Variants in DNM3 observed in about 807,000 individuals in gnomAD.
DNM3 encodes dynamin 3.
Under a neutral mutation model 101.6 loss-of-function variants are expected in DNM3, and 47 were observed. That is an observed-to-expected ratio of 0.46 (90% CI 0.37 to 0.59). The LOEUF is 0.59. Ranked by LOEUF, DNM3 falls within the 20% of genes least tolerant of loss-of-function variation. DNM3 has a pLI of 0.00. For missense variants in DNM3, 849 were observed against 1,085.7 expected (o/e 0.78, Z 3.06); for synonymous variants, 385 against 387.9 (o/e 0.99, Z 0.09).
chr1:172,060,027 T>C (rs1256239206), intron 10 of DNM3, among the ~76,000 whole-genome samples: 4 of 151,986 alleles, frequency 2.6e-5, no homozygotes, highest in African/African-American at 9.7e-5. Flanking sequence ...TGTACAGAAA[T>C]CACAAGCATT....
chr1:172,412,218 T>G lies in DNM3; in HGVS notation c.*4377T>G. The G allele has an allele frequency of 2.0e-6, 2 of 985,502 alleles. No individual in the cohort carries two copies. The highest frequency in any genetic ancestry group is 2.4e-6 in the Non-Finnish European group (2 of 829,786). 61.0% of individuals were successfully genotyped at this position (985,502 alleles called of 1,614,324 possible). On this transcript the variant is annotated 3_prime_UTR_variant, in exon 21 of 21. Transcript: ENST00000627582. ...TGGCTCAACTCAAGTCATTAATCTC[T>G]TTTTAATTTTTACTCTTGAATTCCT... is the stretch of plus-strand genomic sequence containing the variant.
At chr1:172,276,530 T>C (rs1373986255) in intron 15 of DNM3, among the ~76,000 whole-genome samples, 1 of 146,120 alleles carries the variant, frequency 6.8e-6, no homozygotes, top group Non-Finnish European at 1.5e-5. Context: ...CAAATTAGCT[T>C]GTAATAATCA....
chr1:172,311,354 A>T (rs545247071), intron 16 of DNM3: 1 of 149,754 alleles, frequency 6.7e-6, no homozygotes, highest in African/African-American at 2.5e-5. Context: ...CTGCCTTAAC[A>T]TGCAACTATA....
chr1:171,993,376 C>T (rs6668677), intron 4 of DNM3, among the ~76,000 whole-genome samples: 38,033 of 151,696 alleles, frequency 0.25, 6,085 homozygotes, highest in African/African-American at 0.46. Context: ...AAGTTTTTTT[C>T]CTTTCATCAA....
intron 1 of DNM3, among the ~76,000 whole-genome samples, chr1:171,859,863 G>A (rs1483882753): frequency 1.3e-5 from 2 of 152,234 alleles, no homozygotes; most frequent in East Asian, 1.9e-4. Flanking sequence ...CCAGGAAAAA[G>A]CATTCCTTGC....
intron 17 of DNM3, among the ~76,000 whole-genome samples, chr1:172,361,173 C>T (rs1434045359): frequency 2.6e-5 from 4 of 151,904 alleles, no homozygotes; most frequent in Admixed American, 2.0e-4. Flanking sequence ...CACTGGGTCT[C>T]AGAAAGAACC....
In DNM3 at chr1:172,134,163, C is replaced by T. The variant is rs891733826; in HGVS notation, c.1659+2875C>T. Among the ~76,000 whole-genome samples, 8 of 152,148 alleles carry T rather than the reference C, an allele frequency of 5.3e-5. No individual in the cohort carries two copies. The East Asian group carries it at 1.5e-3, about 29-fold the overall frequency. On this transcript the variant is annotated intron_variant, in intron 14 of 20. Coordinates refer to ENST00000627582, the MANE Select transcript of DNM3 (RefSeq NM_015569.5). ...TGGGTAGTAGCTGGTGGTGAGGGTGCGGAGCACTTAAGTTCAAGGTAGCAA... is the reference window on the plus strand; with the variant it reads ...TGGGTAGTAGCTGGTGGTGAGGGTGTGGAGCACTTAAGTTCAAGGTAGCAA...
At chr1:171,922,222 A>G (rs1439321212) in intron 2 of DNM3, among the ~76,000 whole-genome samples, 2 of 151,798 alleles carry the variant, frequency 1.3e-5, no homozygotes, top group South Asian at 2.1e-4. Context: ...TAATATCTGT[A>G]TGGATGTGTA....
chr1:172,208,380 C>CACT (rs2060395178), intron 14 of DNM3, among the ~76,000 whole-genome samples: 2 of 152,044 alleles, frequency 1.3e-5, no homozygotes, highest in South Asian at 4.1e-4. Context: ...GTCTAAATGT[C>CACT]ACTGTAAGGG....
intron 17 of DNM3, among the ~76,000 whole-genome samples, chr1:172,325,586 G>A (rs1173988018): frequency 6.6e-6 from 1 of 151,548 alleles, no homozygotes; most frequent in Non-Finnish European, 1.5e-5. Flanking sequence ...TTTTCCTGTA[G>A]CTTAGAATTT....
At position 172,247,691 on chromosome 1, in the gene DNM3, A is replaced by ATTTATTTG. The variant is rs1211039201; in HGVS notation, c.1660-5879_1660-5878insATTTGTTT. 1.4e-3 allele frequency among the ~76,000 whole-genome samples: 212 copies of ATTTATTTG among 150,436 alleles called. 1 individual carries two copies. The highest frequency in any genetic ancestry group is 9.8e-4 in the Non-Finnish European group (66 of 67,604). ...TATTTATTTATTTATTTATTTATTT[A>ATTTATTTG]TTTGTTTATTTTGAGACAGTTTCGC... On this transcript the variant is annotated intron_variant, in intron 14 of 20. Coordinates refer to ENST00000627582, the MANE Select transcript of DNM3 (RefSeq NM_015569.5).
chr1:172,333,940 T>G (rs1054708053), intron 17 of DNM3, among the ~76,000 whole-genome samples: 1 of 152,200 alleles, frequency 6.6e-6, no homozygotes, highest in Non-Finnish European at 1.5e-5. Context: ...TAATTAGCCA[T>G]TAGTCTCATA....
At chr1:172,004,466 C>A (rs778624687) in intron 4 of DNM3, among the ~76,000 whole-genome samples, 1 of 151,746 alleles carries the variant, frequency 6.6e-6, no homozygotes, top group East Asian at 1.9e-4. Context: ...TGGATAATGG[C>A]GGAACTAAGG....
At chr1:171,896,490 G>A (rs913811631) in intron 1 of DNM3, among the ~76,000 whole-genome samples, 2 of 152,080 alleles carry the variant, frequency 1.3e-5, no homozygotes, top group African/African-American at 4.8e-5. Context: ...CATCGATTTT[G>A]TATATTTTGT....
chr1:172,071,242 C>T (rs2052167854), intron 11 of DNM3, among the ~76,000 whole-genome samples: 1 of 151,538 alleles, frequency 6.6e-6, no homozygotes, highest in Non-Finnish European at 1.5e-5. Context: ...ATCTGCAACT[C>T]AGTTACAGTG....
chr1:171,945,179 G>A (rs974544820), intron 2 of DNM3, among the ~76,000 whole-genome samples: 36 of 151,780 alleles, frequency 2.4e-4, no homozygotes, highest in Non-Finnish European at 5.1e-4. Context: ...CTATATTAAC[G>A]TTTTAATCCT....
intron 15 of DNM3, among the ~76,000 whole-genome samples, chr1:172,261,001 C>T (rs560703725): frequency 3.3e-5 from 5 of 151,998 alleles, no homozygotes; most frequent in African/African-American, 1.2e-4. Flanking sequence ...GTCACCCATG[C>T]TGGCGTGCAG....
At chr1:172,353,296 T>G (rs1188183723) in intron 17 of DNM3, among the ~76,000 whole-genome samples, 1 of 152,194 alleles carries the variant, frequency 6.6e-6, no homozygotes, top group Non-Finnish European at 1.5e-5. Flanking sequence ...TGGTTTATAA[T>G]CAAATTTGTC....
At chr1:171,949,881 A>G (rs1246972483) in intron 2 of DNM3, among the ~76,000 whole-genome samples, 1 of 152,176 alleles carries the variant, frequency 6.6e-6, no homozygotes, top group African/African-American at 2.4e-5. Context: ...CTTTCTCAAA[A>G]AGTTACACAT....
Sources: allele counts gnomAD v4.1 joint callset (sites outside exome capture counted in the v4.1 genomes callset), GRCh38; gene constraint gnomAD v4.1.1; transcripts MANE v1.5; gene names NCBI Gene and HGNC (gene_info 2026-07-23, HGNC 2026-07-21).